Variants in PIK3CA observed in about 807,000 individuals in gnomAD.
PIK3CA encodes the protein phosphatidylinositol 4,5-bisphosphate 3-kinase catalytic subunit alpha isoform.
A neutral mutation model predicts 138.2 loss-of-function variants in PIK3CA; 27 were observed. The ratio of observed to expected loss-of-function variants is 0.20; its 90% CI spans 0.14 to 0.27. The LOEUF is 0.27. PIK3CA is among the 10% of genes least tolerant of loss of function. The probability of loss-of-function intolerance (pLI) is 1.00; values close to 1 mark genes in which losing one functional copy is unlikely to be tolerated. For synonymous variants in PIK3CA, 358 were observed against 413.2 expected (o/e 0.87, Z 1.62); for missense variants, 544 against 1,277.4 (o/e 0.43, Z 8.75).
chr3:179,153,018 AAATT>A (rs931136510), intron 1 of PIK3CA, among the ~76,000 whole-genome samples: 2 of 152,160 alleles, frequency 1.3e-5, no homozygotes, highest in African/African-American at 4.8e-5. Context: ...AAAGGAAACA[AAATT>A]AAGGATGATT....
At chr3:179,185,428 A>AAGT (rs1487708062) in intron 1 of PIK3CA, among the ~76,000 whole-genome samples, 1 of 152,212 alleles carries the variant, frequency 6.6e-6, no homozygotes, top group Non-Finnish European at 1.5e-5. Flanking sequence ...GGTCGCCAAG[A>AAGT]AGTATATGGG....
chr3:179,207,722 G>C (rs984430596), intron 6 of PIK3CA, among the ~76,000 whole-genome samples: 3 of 152,002 alleles, frequency 2.0e-5, no homozygotes, highest in Non-Finnish European at 4.4e-5. Flanking sequence ...GTTTTGCCAC[G>C]TTGGCCAGAC....
Position 179,234,814 on chromosome 3 carries a change from A to G in PIK3CA, c.*450A>G. On this transcript the variant is annotated 3_prime_UTR_variant, in exon 21 of 21. Coordinates refer to ENST00000263967, the MANE Select transcript of PIK3CA (RefSeq NM_006218.4). The surrounding 1 kb of genome is among the most constrained non-coding windows in gnomAD (Gnocchi z 5.1). ...GTAAGTAAACTGGAGTTTATGTTAAATTACATTGATTGGAAAAGAATGAAA... is the reference window on the plus strand; with the variant it reads ...GTAAGTAAACTGGAGTTTATGTTAAGTTACATTGATTGGAAAAGAATGAAA... 4.3e-6 allele frequency: 1 copy of G among 232,634 alleles called. No homozygotes were observed. Among genetic ancestry groups the G allele is most frequent in the African/African-American group, 2.2e-5 (1 of 45,398 alleles). The allele number at this position is 232,634 out of a possible 1,614,324, so 14.4% of individuals were successfully genotyped here.
Position 179,203,747 on chromosome 3 carries a change from T to C in PIK3CA, c.1017T>C (p.Leu339=). The C allele has an allele frequency of 6.2e-7, 1 of 1,611,422 alleles. No individual in the cohort carries two copies. The highest frequency in any genetic ancestry group is 8.5e-7 in the Non-Finnish European group (1 of 1,178,348). The change falls in exon 5 of 21, where the codon CTT becomes CTC. Residue 339 remains leucine (L), a synonymous_variant. Transcript: ENST00000263967. ...VINSALRIKI[L]CATYVNVNIR... ...ATAGTGCACTCAGAATAAAAATTCTTTGTGCAACCTACGTGAATGTAAATA... is the reference window on the plus strand; with the variant it reads ...ATAGTGCACTCAGAATAAAAATTCTCTGTGCAACCTACGTGAATGTAAATA...
chr3:179,173,455 T>G (rs1468248101), intron 1 of PIK3CA, among the ~76,000 whole-genome samples: 4 of 144,398 alleles, frequency 2.8e-5, no homozygotes, highest in Non-Finnish European at 4.5e-5. Flanking sequence ...GGCGGGCGCC[T>G]GTAGTCCCAG....
intron 1 of PIK3CA, among the ~76,000 whole-genome samples, chr3:179,152,452 C>A (rs1350650729): frequency 1.3e-5 from 2 of 152,088 alleles, no homozygotes; most frequent in Non-Finnish European, 2.9e-5. Flanking sequence ...TGAGTATCAA[C>A]AGTATTGGCT....
intron 1 of PIK3CA, among the ~76,000 whole-genome samples, chr3:179,165,131 A>C (rs1723385642): frequency 6.6e-6 from 1 of 152,154 alleles, no homozygotes; most frequent in Non-Finnish European, 1.5e-5. Context: ...AAATAGCAGA[A>C]TTTTGTGTGT....
intron 1 of PIK3CA, among the ~76,000 whole-genome samples, chr3:179,167,157 C>G (rs569322360): frequency 1.3e-5 from 2 of 152,154 alleles, no homozygotes; most frequent in African/African-American, 2.4e-5. Flanking sequence ...TACAATAACC[C>G]TCCCCAGTAT....
Position 179,228,627 on chromosome 3 carries a change from GAATCCAGCTGGGT to G in PIK3CA, c.2496-643_2496-631del, listed in dbSNP as rs1210477504. Among the ~76,000 whole-genome samples, 9 of 152,004 alleles carry G rather than the reference GAATCCAGCTGGGT, an allele frequency of 5.9e-5. No individual in the cohort carries two copies. In the East Asian group the frequency reaches 1.7e-3, roughly 29 times the overall value. On this transcript the variant is annotated intron_variant, in intron 17 of 20. Coordinates refer to ENST00000263967, the MANE Select transcript of PIK3CA (RefSeq NM_006218.4). Reference sequence around the variant, plus strand: ...AGATTGCATACAAAAGCATATATGAGAATCCAGCTGGGTACTATGAAGCCAGACATTTAAAAAT... The same window carrying G: ...AGATTGCATACAAAAGCATATATGAGACTATGAAGCCAGACATTTAAAAAT...
chr3:179,201,119 G>A (rs958732158), intron 3 of PIK3CA, among the ~76,000 whole-genome samples, 171 bp from the exon 4 acceptor site: 4 of 152,088 alleles, frequency 2.6e-5, no homozygotes, highest in African/African-American at 7.2e-5. Context: ...CTGGCAGCCC[G>A]CTCAGATATA....
chr3:179,226,673 G>A (rs1725090292), intron 17 of PIK3CA, among the ~76,000 whole-genome samples: 1 of 151,992 alleles, frequency 6.6e-6, no homozygotes, highest in Non-Finnish European at 1.5e-5. Flanking sequence ...GTAACAACAG[G>A]GTACATTTAG....
chr3:179,188,793 T>G (rs959894438), intron 1 of PIK3CA, among the ~76,000 whole-genome samples: 4 of 152,252 alleles, frequency 2.6e-5, no homozygotes, highest in Non-Finnish European at 4.4e-5. Flanking sequence ...TTTTCCACAT[T>G]AAGTACATTT....
At position 179,221,227 on chromosome 3, in the gene PIK3CA, G is replaced by A. The variant is rs1410718443; in HGVS notation, c.2187+70G>A. 3.0e-6 allele frequency: 3 copies of A among 1,007,114 alleles called. No individual in the cohort carries two copies. In the African/African-American group the frequency reaches 4.8e-5, roughly 16 times the overall value. 62.4% of individuals were successfully genotyped at this position (1,007,114 alleles called of 1,614,324 possible). On this transcript the variant is annotated intron_variant, in intron 14 of 20. Transcript: ENST00000263967. ...GGGCAGAGTTGTTTAGAAGCCCAGT[G>A]TATATACAGATCATGGTCCTTGGAA...
chr3:179,160,637 C>T (rs1723253260), intron 1 of PIK3CA, among the ~76,000 whole-genome samples: 1 of 152,254 alleles, frequency 6.6e-6, no homozygotes, highest in East Asian at 1.9e-4. Context: ...CACATGTAAG[C>T]CTTCACCCTT....
At chr3:179,213,246 A>G (rs1724760647) in intron 9 of PIK3CA, among the ~76,000 whole-genome samples, 1 of 152,218 alleles carries the variant, frequency 6.6e-6, no homozygotes, top group Non-Finnish European at 1.5e-5. Flanking sequence ...ACTAAAGCAG[A>G]AATCACAATA....
Position 179,219,877 on chromosome 3 carries a change from C to T in PIK3CA, c.1912-72C>T, listed in dbSNP as rs563562356. On this transcript the variant is annotated intron_variant, in intron 12 of 20. Transcript: ENST00000263967. This position sits in a 1 kb window ranked among gnomAD's most constrained non-coding sequence, Gnocchi z 4.2. ...AATTATTACCAGTAATATCCACTTT[C>T]TTTCTGAAAAAATTTTCTTTAGATC... 1.3e-6 allele frequency: 2 copies of T among 1,580,834 alleles called. No individual in the cohort carries two copies. The highest frequency in any genetic ancestry group is 1.7e-6 in the Non-Finnish European group (2 of 1,168,308).
chr3:179,190,050 A>G (rs1724088021), intron 1 of PIK3CA, among the ~76,000 whole-genome samples: 1 of 152,200 alleles, frequency 6.6e-6, no homozygotes, highest in South Asian at 2.1e-4. Context: ...ACTGAAGGAT[A>G]CTTGCTTCCT....
intron 14 of PIK3CA, 24 bp downstream of exon 14, chr3:179,221,181 G>C (rs781407240): frequency 6.3e-7 from 1 of 1,593,620 alleles, no homozygotes; most frequent in African/African-American, 1.3e-5. Flanking sequence ...GTTTGTGTTT[G>C]AGACTCTTTT....
intron 9 of PIK3CA, 117 bp from the exon 10 acceptor site, chr3:179,218,089 CAGTT>C: frequency 3.4e-6 from 3 of 871,526 alleles, no homozygotes; most frequent in Non-Finnish European, 4.9e-6. Flanking sequence ...TATTTTACAA[CAGTT>C]AATTAGCAAT....
Sources: gnomAD v4.1 joint callset for allele counts (sites outside exome capture counted in the v4.1 genomes callset) on GRCh38, gnomAD v4.1.1 for gene constraint, Gnocchi (gnomAD v3.1) non-coding constraint, MANE v1.5 for transcripts, NCBI Gene and HGNC (gene_info 2026-07-23, HGNC 2026-07-21) for gene names.